Variants in DLGAP1 observed in about 807,000 individuals in gnomAD.
DLGAP1 encodes the protein DLG associated protein 1, also known as disks large-associated protein 1.
In DLGAP1, 11 loss-of-function variants were observed where a neutral mutation model predicts 90.8. That is an observed-to-expected ratio of 0.12 (90% confidence interval 0.08 to 0.20). The LOEUF is 0.20. DLGAP1 is among the 10% of genes least tolerant of loss of function. The probability of loss-of-function intolerance (pLI) is 1.00; values close to 1 mark genes in which losing one functional copy is unlikely to be tolerated. For synonymous variants in DLGAP1, 558 were observed against 540.7 expected, an observed-to-expected ratio of 1.03 and a Z score of -0.44; for missense variants, 1,050 against 1,333.8, an observed-to-expected ratio of 0.79 and a Z score of 3.31.
chr18:3,698,929 G>A (rs538257663), intron 7 of DLGAP1, among the ~76,000 whole-genome samples: 1 of 151,816 alleles, frequency 6.6e-6, no homozygotes, highest in Non-Finnish European at 1.5e-5. Context: ...CCGCTTGATC[G>A]ATTTGGCTAT....
intron 5 of DLGAP1, among the ~76,000 whole-genome samples, chr18:3,781,981 TG>T (rs2065216866): frequency 6.6e-6 from 1 of 152,182 alleles, no homozygotes; most frequent in Non-Finnish European, 1.5e-5. Context: ...TTGTTATTGT[TG>T]TTTTTTTGTT....
At chr18:4,285,318 T>A (rs1341439176) in intron 1 of DLGAP1, among the ~76,000 whole-genome samples, 1 of 152,014 alleles carries the variant, frequency 6.6e-6, no homozygotes, top group Non-Finnish European at 1.5e-5. Flanking sequence ...CTATCTAGAA[T>A]CCCAAAATGA....
At chr18:3,512,951 C>T (rs1282130820) in intron 10 of DLGAP1, among the ~76,000 whole-genome samples, 3 of 152,190 alleles carry the variant, frequency 2.0e-5, no homozygotes, top group Admixed American at 6.5e-5. Flanking sequence ...GGTGGCGCAG[C>T]GTTGTACAGC....
intron 9 of DLGAP1, among the ~76,000 whole-genome samples, chr18:3,561,902 A>G (rs1305346727): frequency 6.6e-6 from 1 of 150,768 alleles, no homozygotes; most frequent in Non-Finnish European, 1.5e-5. Flanking sequence ...TCATGGCATA[A>G]GGTGAAAAGC....
At chr18:3,878,686 C>T (rs1408499793) in intron 4 of DLGAP1, among the ~76,000 whole-genome samples, 1 of 151,644 alleles carries the variant, frequency 6.6e-6, no homozygotes, top group East Asian at 1.9e-4. Flanking sequence ...ATGAAAACCA[C>T]CCCACAAAAC....
At chr18:4,009,061 T>C (rs780279237) in intron 2 of DLGAP1, among the ~76,000 whole-genome samples, 5 of 152,200 alleles carry the variant, frequency 3.3e-5, no homozygotes, top group Admixed American at 6.5e-5. Flanking sequence ...CCCGCCACCA[T>C]GCCCGGCTAA....
chr18:3,600,687 G>GATATCTATAGAT (rs2056845809), intron 7 of DLGAP1, among the ~76,000 whole-genome samples: 1 of 68,384 alleles, frequency 1.5e-5, no homozygotes, highest in Admixed American at 1.5e-4. Context: ...TATCTATAGA[G>GATATCTATAGAT]ATCTATATAG....
intron 9 of DLGAP1, among the ~76,000 whole-genome samples, chr18:3,536,223 CTTTT>C (rs71159088): frequency 0.18 from 24,049 of 137,160 alleles, 2,247 homozygotes; most frequent in Non-Finnish European, 0.24. Flanking sequence ...TACTTTCTTT[CTTTT>C]TTTTTTTTTT....
intron 9 of DLGAP1, among the ~76,000 whole-genome samples, chr18:3,545,350 C>G (rs556901434): frequency 2.6e-5 from 4 of 151,978 alleles, no homozygotes; most frequent in African/African-American, 9.6e-5. Flanking sequence ...TCAAATACTT[C>G]ATACTTTTCC....
chr18:3,555,181 C>A (rs1353566397), intron 9 of DLGAP1, among the ~76,000 whole-genome samples: 1 of 152,186 alleles, frequency 6.6e-6, no homozygotes, highest in Non-Finnish European at 1.5e-5. Flanking sequence ...TTGGTAATCC[C>A]TTCTTCCTGT....
At chr18:3,515,975 G>T (rs1489880657) in intron 10 of DLGAP1, among the ~76,000 whole-genome samples, 2 of 151,964 alleles carry the variant, frequency 1.3e-5, no homozygotes, top group African/African-American at 4.8e-5. Context: ...CTCTGTTCAA[G>T]TTTGATCATG....
At chr18:4,392,125 G>C (rs918191941) in intron 1 of DLGAP1, among the ~76,000 whole-genome samples, 1 of 152,084 alleles carries the variant, frequency 6.6e-6, no homozygotes, top group Non-Finnish European at 1.5e-5. Flanking sequence ...TGATTACTAG[G>C]TCATAAAAAA....
intron 7 of DLGAP1, among the ~76,000 whole-genome samples, chr18:3,672,754 A>G (rs1343307466): frequency 6.6e-6 from 1 of 152,038 alleles, no homozygotes; most frequent in Non-Finnish European, 1.5e-5. Context: ...ACCATTCATC[A>G]ATAGTGGTGG....
intron 7 of DLGAP1, among the ~76,000 whole-genome samples, chr18:3,664,277 A>G (rs1382004020): frequency 1.3e-5 from 2 of 151,280 alleles, no homozygotes; most frequent in Non-Finnish European, 2.9e-5. Flanking sequence ...CTAATACACC[A>G]ACTTCTAGCT....
At chr18:4,395,704 T>C (rs2144480651) in intron 1 of DLGAP1, among the ~76,000 whole-genome samples, 1 of 152,332 alleles carries the variant, frequency 6.6e-6, no homozygotes, top group African/African-American at 2.4e-5. Flanking sequence ...ATACAAGCGT[T>C]TATAACAGAA....
intron 1 of DLGAP1, among the ~76,000 whole-genome samples, chr18:4,321,935 C>A (rs370286316): frequency 6.8e-6 from 1 of 147,804 alleles, no homozygotes; most frequent in Non-Finnish European, 1.5e-5. Context: ...GGGTGGTTCA[C>A]GCCTGTAAAC....
intron 4 of DLGAP1, among the ~76,000 whole-genome samples, chr18:3,875,807 C>T (rs1422616260): frequency 2.0e-5 from 3 of 152,120 alleles, no homozygotes; most frequent in Admixed American, 1.3e-4. Flanking sequence ...TGAGATCATA[C>T]ATCTTTTGGA....
At chr18:4,322,073 A>G (rs1454214232) in intron 1 of DLGAP1, among the ~76,000 whole-genome samples, 1 of 151,892 alleles carries the variant, frequency 6.6e-6, no homozygotes, top group Admixed American at 6.6e-5. Context: ...GGTGGGGGGA[A>G]CCAGTAATCC....
In DLGAP1 at chr18:3,890,601, T is replaced by C. The variant is rs56932346; in HGVS notation, c.-72-10461A>G. Among the ~76,000 whole-genome samples the C allele has an allele frequency of 8.0e-3, 1,218 of 152,358 alleles. 14 individuals carry two copies. Among genetic ancestry groups the C allele is most frequent in the South Asian group, 0.021 (102 of 4,820 alleles). On this transcript the variant is annotated intron_variant, in intron 3 of 12. Transcript: ENST00000315677. ...TGGTTTTTATTGTCTTTTAGAATTC[T>C]ACCCCCAGTCTTAAATTTTAAACAA... is the stretch of plus-strand genomic sequence containing the variant.
Sources: gnomAD v4.1 joint callset for allele counts (sites outside exome capture counted in the v4.1 genomes callset) on GRCh38, gnomAD v4.1.1 for gene constraint, MANE v1.5 for transcripts, NCBI Gene and HGNC (gene_info 2026-07-23, HGNC 2026-07-21) for gene names.